CDK8: variants seen among roughly 807,000 people sequenced by gnomAD.
CDK8 encodes cyclin dependent kinase 8.
CDK8 carries 29 observed loss-of-function variants against 71.5 expected under a neutral mutation model. The ratio of observed to expected loss-of-function variants is 0.41; its 90% confidence interval spans 0.30 to 0.55. The LOEUF is 0.55. Ranked by LOEUF, CDK8 falls within the 20% of genes least tolerant of loss-of-function variation. CDK8 has a pLI of 0.37. For missense variants in CDK8, 288 were observed against 572.6 expected (o/e 0.50, Z 5.07); for synonymous variants, 161 against 192.1 (o/e 0.84, Z 1.34).
At chr13:26,314,178 A>G (rs1187755911) in intron 1 of CDK8, among the ~76,000 whole-genome samples, 1 of 152,208 alleles carries the variant, frequency 6.6e-6, no homozygotes, top group African/African-American at 2.4e-5. Flanking sequence ...CCTCTTATTC[A>G]CAAGATATTT....
chr13:26,335,989 A>G (rs1437036701), intron 1 of CDK8, among the ~76,000 whole-genome samples: 2 of 152,170 alleles, frequency 1.3e-5, no homozygotes, highest in African/African-American at 2.4e-5. Context: ...TGTTCTTGGC[A>G]TGAAAAGACT....
At chr13:26,292,442 A>T (rs1873346352) in intron 1 of CDK8, among the ~76,000 whole-genome samples, 1 of 152,198 alleles carries the variant, frequency 6.6e-6, no homozygotes. Context: ...ATGGCTTACC[A>T]TCACCCAGTA....
At chr13:26,334,102 T>A (rs997659930) in intron 1 of CDK8, among the ~76,000 whole-genome samples, 4 of 152,184 alleles carry the variant, frequency 2.6e-5, no homozygotes, top group Non-Finnish European at 5.9e-5. Context: ...AATAATCTAC[T>A]TTTATAAAGT....
At chr13:26,287,488 A>G (rs556079480) in intron 1 of CDK8, among the ~76,000 whole-genome samples, 54 of 152,238 alleles carry the variant, frequency 3.5e-4, no homozygotes, top group Non-Finnish European at 6.3e-4. Flanking sequence ...CAAACATCAT[A>G]TGTTTTCACT....
chr13:26,336,849 C>T (rs915800026), intron 1 of CDK8, among the ~76,000 whole-genome samples: 4 of 152,006 alleles, frequency 2.6e-5, no homozygotes, highest in Admixed American at 6.6e-5. Flanking sequence ...CCACCGCGCC[C>T]GGCCTCTGAG....
intron 4 of CDK8, among the ~76,000 whole-genome samples, chr13:26,361,220 A>G (rs1464345311): frequency 2.0e-5 from 3 of 152,230 alleles, no homozygotes; most frequent in African/African-American, 7.2e-5. Context: ...AATTGCAAAT[A>G]AGATGGCAAT....
At position 26,404,202 on chromosome 13, in the gene CDK8, C is replaced by T; in HGVS notation, c.*121C>T. ...TGTACAACCACATCTTCAAAATGTC[C>T]AGTAGCCAAGTTCCACCACTTTTCA... On this transcript the variant is annotated 3_prime_UTR_variant, in exon 13 of 13. Transcript: ENST00000381527. 8.4e-7 allele frequency: 1 copy of T among 1,185,708 alleles called. No homozygotes were observed. The allele number at this position is 1,185,708 out of a possible 1,614,324, so 73.4% of individuals were successfully genotyped here.
intron 4 of CDK8, among the ~76,000 whole-genome samples, chr13:26,359,918 G>T (rs1310554679): frequency 2.0e-5 from 3 of 152,118 alleles, no homozygotes; most frequent in Non-Finnish European, 4.4e-5. Context: ...GTTTTGCCAT[G>T]TTGGCCAGGC....
intron 1 of CDK8, among the ~76,000 whole-genome samples, chr13:26,270,329 C>T (rs139644397): frequency 1.5e-3 from 225 of 150,732 alleles, no homozygotes; most frequent in African/African-American, 5.1e-3. Flanking sequence ...GTGGAGGTTG[C>T]GGTGAGCCAA....
At chr13:26,400,204 T>A (rs1163368892) in intron 9 of CDK8, 1 of 409,170 alleles carries the variant, frequency 2.4e-6, no homozygotes, top group Non-Finnish European at 4.4e-6. Context: ...ATAATGGGGG[T>A]GGGGATCCAT....
chr13:26,375,900 T>C (rs941925132), intron 4 of CDK8, among the ~76,000 whole-genome samples: 1 of 152,218 alleles, frequency 6.6e-6, no homozygotes, highest in Non-Finnish European at 1.5e-5. Flanking sequence ...ATATGGTGCA[T>C]GTATCAGGGC....
In CDK8 at chr13:26,362,956, T is replaced by G. The variant is rs145087433; in HGVS notation, c.456+9076T>G. On this transcript the variant is annotated intron_variant, in intron 4 of 12. Transcript: ENST00000381527. ...TAGTCCTGTTTTACTAAATGGCATA[T>G]AATGTTGAGTGAGATATACTATAAC... Among the ~76,000 whole-genome samples the G allele has an allele frequency of 2.6e-5, 4 of 151,882 alleles. No individual in the cohort carries two copies. In the East Asian group the frequency reaches 7.8e-4, roughly 29 times the overall value.
At position 26,254,584 on chromosome 13, in the gene CDK8, T is replaced by TGCCCC; in HGVS notation, c.-58_-57insGCCCC. The stretch of plus-strand genomic sequence containing the variant: ...GCTGCGGCTGCCCGTGCTTCCCCGG[T>TGCCCC]CCCCACCCCTGCCCCCCGGCCCCCC... On this transcript the variant is annotated 5_prime_UTR_variant, in exon 1 of 13. Transcript: ENST00000381527. This position sits in a 1 kb window ranked among gnomAD's most constrained non-coding sequence, Gnocchi z 6.7. 1 of 1,291,282 alleles carries TGCCCC rather than the reference T, an allele frequency of 7.7e-7. No homozygotes were observed. Among genetic ancestry groups the TGCCCC allele is most frequent in the Non-Finnish European group, 1.1e-6 (1 of 938,088 alleles). 80.0% of individuals were successfully genotyped at this position (1,291,282 alleles called of 1,614,324 possible).
chr13:26,385,275 G>A lies in CDK8; in HGVS notation c.579G>A (p.Val193=), dbSNP rs2138050396. ...AGCCTTTAGCAGATTTGGATCCAGT[G>A]GTTGTTACATTCTGGTACCGAGCCC... ...PLKPLADLDP[V]VVTFWYRAPE... The change falls in exon 6 of 13, where the codon GTG becomes GTA. Residue 193 remains valine, a synonymous_variant. Coordinates refer to ENST00000381527, the MANE Select transcript of CDK8 (RefSeq NM_001260.3). The A allele has an allele frequency of 1.2e-6, 2 of 1,613,098 alleles. No individual in the cohort carries two copies. Among genetic ancestry groups the A allele is most frequent in the Non-Finnish European group, 1.7e-6 (2 of 1,179,110 alleles).
intron 1 of CDK8, among the ~76,000 whole-genome samples, chr13:26,271,690 G>A (rs1242857504): frequency 6.6e-6 from 1 of 151,724 alleles, no homozygotes; most frequent in East Asian, 1.9e-4. Context: ...TTTGCCTGTA[G>A]TCCCAGCTAC....
intron 4 of CDK8, among the ~76,000 whole-genome samples, chr13:26,378,297 G>A (rs1209718396): frequency 6.6e-6 from 1 of 152,066 alleles, no homozygotes; most frequent in Non-Finnish European, 1.5e-5. Flanking sequence ...GCTATCCTTG[G>A]TGTATGCCAA....
intron 1 of CDK8, among the ~76,000 whole-genome samples, chr13:26,258,681 A>G (rs757057913): frequency 1.3e-5 from 2 of 152,190 alleles, no homozygotes; most frequent in Non-Finnish European, 1.5e-5. Flanking sequence ...GGGTTTCAGC[A>G]TATAATTTTT....
At chr13:26,381,452 G>A (rs372016900) in intron 4 of CDK8, among the ~76,000 whole-genome samples, 4 of 152,010 alleles carry the variant, frequency 2.6e-5, no homozygotes, top group Non-Finnish European at 4.4e-5. Context: ...TTAGAAGTGC[G>A]TGTGTGTGTG....
At chr13:26,379,747 G>A (rs1036815082) in intron 4 of CDK8, among the ~76,000 whole-genome samples, 1 of 152,224 alleles carries the variant, frequency 6.6e-6, no homozygotes, top group Admixed American at 6.5e-5. Context: ...TCCGGTGTTA[G>A]AAAAATCAGT....
Sources: gnomAD v4.1 joint callset for allele counts (sites outside exome capture counted in the v4.1 genomes callset) on GRCh38, gnomAD v4.1.1 for gene constraint, Gnocchi (gnomAD v3.1) non-coding constraint, MANE v1.5 for transcripts, NCBI Gene and HGNC (gene_info 2026-07-23, HGNC 2026-07-21) for gene names.